Variants in AUH observed in about 807,000 individuals in gnomAD.
AUH encodes methylglutaconyl-CoA hydratase, mitochondrial.
In AUH, 29 loss-of-function variants were observed where a neutral mutation model predicts 42.3. That is an observed-to-expected ratio of 0.69 (90% CI 0.51 to 0.93). The LOEUF (loss-of-function observed/expected upper bound fraction) is 0.93. Among genes scored for constraint, AUH ranks in the 40% least tolerant of loss-of-function variants. The pLI, the probability that AUH is intolerant of heterozygous loss-of-function variation, is 0.00. For missense variants in AUH, 452 were observed against 438.1 expected (o/e 1.03, Z -0.28); for synonymous variants, 174 against 166.4 (o/e 1.05, Z -0.35).
intron 4 of AUH, among the ~76,000 whole-genome samples, chr9:91,316,508 T>G (rs945777833): frequency 1.3e-5 from 2 of 152,214 alleles, no homozygotes; most frequent in African/African-American, 4.8e-5. Flanking sequence ...AGTATAAATC[T>G]TCCTGCCTGG....
In AUH at chr9:91,335,756, G is replaced by C. The variant is rs530051667; in HGVS notation, c.419-10352C>G. On this transcript the variant is annotated intron_variant, in intron 3 of 9. Coordinates refer to ENST00000375731, the MANE Select transcript of AUH (RefSeq NM_001698.3). Reference sequence around the variant, plus strand: ...TCCATTAAGATTCATTTGCTGAGCTGTAAGTTATTTAGAAGTTATCTTAAA... The same window carrying C: ...TCCATTAAGATTCATTTGCTGAGCTCTAAGTTATTTAGAAGTTATCTTAAA... Among the ~76,000 whole-genome samples, 6 of 152,254 alleles carry C rather than the reference G, an allele frequency of 3.9e-5. No homozygotes were observed. The East Asian group carries it at 5.8e-4, about 15-fold the overall frequency.
At chr9:91,250,048 C>T (rs902932743) in intron 6 of AUH, among the ~76,000 whole-genome samples, 1 of 151,378 alleles carries the variant, frequency 6.6e-6, no homozygotes, top group Non-Finnish European at 1.5e-5. Context: ...CAGTTGTATT[C>T]TCCACTAAAT....
rs956010106 is a variant in AUH at position 91,322,265 on chromosome 9, A to G, written c.505+3053T>C. ...CCACAGAACAGAAAGACACTCTGGA[A>G]CAAACATCAAGGTAATTTGAACAAT... On this transcript the variant is annotated intron_variant, in intron 4 of 9. Transcript: ENST00000375731. 2.6e-5 allele frequency among the ~76,000 whole-genome samples: 4 copies of G among 152,360 alleles called. No homozygotes were observed. The East Asian group carries it at 7.7e-4, about 29-fold the overall frequency.
chr9:91,290,588 A>AT (rs1358594383), intron 6 of AUH, among the ~76,000 whole-genome samples: 1 of 152,184 alleles, frequency 6.6e-6, no homozygotes, highest in Non-Finnish European at 1.5e-5. Flanking sequence ...GTAGGTTCTA[A>AT]TTAATGCAGC....
At chr9:91,268,416 CAT>C (rs1824819151) in intron 6 of AUH, among the ~76,000 whole-genome samples, 1 of 151,584 alleles carries the variant, frequency 6.6e-6, no homozygotes, top group Non-Finnish European at 1.5e-5. Context: ...CTGAGAAAAA[CAT>C]AACACTTCCT....
At chr9:91,276,993 T>G (rs764928470) in intron 6 of AUH, among the ~76,000 whole-genome samples, 1 of 152,198 alleles carries the variant, frequency 6.6e-6, no homozygotes, top group South Asian at 2.1e-4. Flanking sequence ...AAGACCAGCC[T>G]GGGCAATATA....
intron 6 of AUH, among the ~76,000 whole-genome samples, chr9:91,286,780 C>G (rs1826446547): frequency 6.6e-6 from 1 of 151,090 alleles, no homozygotes; most frequent in African/African-American, 2.4e-5. Flanking sequence ...AACTACCTAT[C>G]GTGTTTGTAT....
intron 4 of AUH, among the ~76,000 whole-genome samples, chr9:91,299,824 A>G (rs1827644682): frequency 6.6e-6 from 1 of 152,092 alleles, no homozygotes; most frequent in Non-Finnish European, 1.5e-5. Flanking sequence ...TCTAGAGATC[A>G]TTTATTTCTA....
rs952169967 is a variant in AUH, at chr9:91,219,558, C to T, written c.843+1247G>A. On this transcript the variant is annotated intron_variant, in intron 7 of 9. Transcript: ENST00000375731. ...AATCTTTTTTTATTTGCTCTGTTTC[C>T]ATCAATCCAACAAATACTTATTGAG... Among the ~76,000 whole-genome samples the T allele has an allele frequency of 5.3e-5, 8 of 152,168 alleles. No individual in the cohort carries two copies. In the East Asian group the frequency reaches 1.5e-3, roughly 29 times the overall value.
intron 6 of AUH, among the ~76,000 whole-genome samples, chr9:91,258,486 T>C (rs569033329): frequency 7.2e-5 from 11 of 152,274 alleles, no homozygotes; most frequent in South Asian, 4.1e-4. Context: ...CCACCCGCCA[T>C]GGCCTCCCAA....
At position 91,311,072 on chromosome 9, in the gene AUH, A is replaced by T. The variant is rs557780301; in HGVS notation, c.506-12996T>A. 4.6e-5 allele frequency among the ~76,000 whole-genome samples: 7 copies of T among 152,362 alleles called. No individual in the cohort carries two copies. The South Asian group carries it at 1.2e-3, about 27-fold the overall frequency. Reference sequence around the variant, plus strand: ...AAGAGGTTTATACCATAAAACTTACATCAGATTTTTCACACAGAATTTTTT... The same window carrying T: ...AAGAGGTTTATACCATAAAACTTACTTCAGATTTTTCACACAGAATTTTTT... On this transcript the variant is annotated intron_variant, in intron 4 of 9. Coordinates refer to ENST00000375731, the MANE Select transcript of AUH (RefSeq NM_001698.3).
intron 4 of AUH, among the ~76,000 whole-genome samples, chr9:91,313,573 C>A (rs373027108): frequency 1.3e-5 from 2 of 151,588 alleles, no homozygotes; most frequent in African/African-American, 2.4e-5. Context: ...GGCGCGGTGG[C>A]GGGCGCCTGT....
chr9:91,262,111 T>A (rs566261208), intron 6 of AUH, among the ~76,000 whole-genome samples: 1 of 152,334 alleles, frequency 6.6e-6, no homozygotes, highest in South Asian at 2.1e-4. Flanking sequence ...ATACTCCACT[T>A]AGTTCATACT....
chr9:91,305,212 TA>T lies in AUH; in HGVS notation c.506-7137del, dbSNP rs202184696. On this transcript the variant is annotated intron_variant, in intron 4 of 9. Transcript: ENST00000375731. The stretch of plus-strand genomic sequence containing the variant: ...ATATATACCTATGTCCAGGAAAAGT[TA>T]AAAAAAAATTCAGTTATTAGAAAGG... Among the ~76,000 whole-genome samples, 840 of 151,638 alleles carry T rather than the reference TA, an allele frequency of 5.5e-3. 10 individuals carry two copies. Among genetic ancestry groups the T allele is most frequent in the East Asian group, 0.041 (213 of 5,172 alleles).
chr9:91,233,910 G>A (rs1175711362), intron 6 of AUH, among the ~76,000 whole-genome samples: 1 of 152,148 alleles, frequency 6.6e-6, no homozygotes, highest in Non-Finnish European at 1.5e-5. Flanking sequence ...ATTTGTCAGG[G>A]TTATTTTTAA....
At chr9:91,340,808 G>A (rs986294184) in intron 3 of AUH, among the ~76,000 whole-genome samples, 6 of 152,188 alleles carry the variant, frequency 3.9e-5, no homozygotes, top group Non-Finnish European at 4.4e-5. Context: ...AAACTGGAGT[G>A]TGAACCAGAA....
Position 91,297,992 on chromosome 9 carries a change from C to T in AUH, c.590G>A (p.Arg197Gln), listed in dbSNP as rs1445153680. ...GLELALACDI[R>Q]VAASSAKMGL... Reference sequence around the variant, plus strand: ...ACAGGATTAATTCTTACCTGCTACTCGTATATCACAGGCTAAAGCCAGTTC... The same window carrying T: ...ACAGGATTAATTCTTACCTGCTACTTGTATATCACAGGCTAAAGCCAGTTC... The change falls in exon 5 of 10, where the codon CGA becomes CAA. Residue 197 changes from arginine (R) to glutamine (Q), a missense_variant. Arg to Gln is a conservative substitution (Grantham distance 43). Coordinates refer to ENST00000375731, the MANE Select transcript of AUH (RefSeq NM_001698.3). 15 of 1,604,882 alleles carry T rather than the reference C, an allele frequency of 9.3e-6. No individual in the cohort carries two copies. Among genetic ancestry groups the T allele is most frequent in the Admixed American group, 1.7e-5 (1 of 60,012 alleles).
At chr9:91,347,489 T>TAA (rs1167929948) in intron 3 of AUH, among the ~76,000 whole-genome samples, 1 of 152,108 alleles carries the variant, frequency 6.6e-6, no homozygotes, top group Non-Finnish European at 1.5e-5. Context: ...GAGAGGGTGC[T>TAA]AAAAGTTCTA....
intron 6 of AUH, among the ~76,000 whole-genome samples, chr9:91,240,382 C>T (rs1211612928): frequency 2.6e-5 from 4 of 152,144 alleles, no homozygotes; most frequent in African/African-American, 9.7e-5. Context: ...CCAACCCTCA[C>T]TCACACCCAT....
Sources: gnomAD v4.1 joint callset for allele counts (sites outside exome capture counted in the v4.1 genomes callset) on GRCh38, gnomAD v4.1.1 for gene constraint, MANE v1.5 for transcripts, NCBI Gene and HGNC (gene_info 2026-07-23, HGNC 2026-07-21) for gene names.